MMP26: variants seen among roughly 807,000 people sequenced by gnomAD.
MMP26 encodes matrix metallopeptidase 26.
Under a neutral mutation model 31.0 loss-of-function variants are expected in MMP26, and 33 were observed. The observed-to-expected ratio is 1.06, with a 90% confidence interval of 0.81 to 1.42. MMP26 has a LOEUF of 1.42. Among genes scored for constraint, MMP26 ranks in the 40% most tolerant of loss-of-function variants. The probability of loss-of-function intolerance (pLI) is 0.00; values close to 1 mark genes in which losing one functional copy is unlikely to be tolerated. For synonymous variants in MMP26, 122 were observed against 114.9 expected, an observed-to-expected ratio of 1.06 and a Z score of -0.40; for missense variants, 347 against 316.1, an observed-to-expected ratio of 1.10 and a Z score of -0.74.
At chr11:4,990,845 T>C in intron 5 of MMP26, 99 bp downstream of exon 5, 2 of 1,329,208 alleles carry the variant, frequency 1.5e-6, no homozygotes, top group Non-Finnish European at 2.0e-6. Flanking sequence ...TATTAAAGTT[T>C]CTGAGAAAAA....
intron 2 of MMP26, among the ~76,000 whole-genome samples, chr11:4,867,213 G>A (rs1266844594): frequency 6.6e-6 from 1 of 151,804 alleles, no homozygotes; most frequent in African/African-American, 2.4e-5. Flanking sequence ...CAAGTATCTA[G>A]AAGGAACTTA....
At position 4,952,702 on chromosome 11, in the gene MMP26, C is replaced by T. The variant is rs965932481; in HGVS notation, c.-144-35366C>T. 3.0e-4 allele frequency among the ~76,000 whole-genome samples: 37 copies of T among 125,212 alleles called. 7 individuals carry two copies. The allele number at this position is 125,212 out of a possible 152,430, so 82.1% of individuals were successfully genotyped here. On this transcript the variant is annotated intron_variant, in intron 2 of 7. Coordinates refer to ENST00000380390, the MANE Select transcript of MMP26 (RefSeq NM_021801.5). ...GTTTCATAAAATCAAACTCTCAGAG[C>T]CTCAATCTCTTCAACTAAAATAAAT...
intron 2 of MMP26, among the ~76,000 whole-genome samples, chr11:4,862,062 A>G (rs138822061): frequency 2.1e-4 from 32 of 152,288 alleles, no homozygotes; most frequent in African/African-American, 7.5e-4. Flanking sequence ...GAATTTCTAC[A>G]TGCATTATAT....
intron 2 of MMP26, among the ~76,000 whole-genome samples, chr11:4,936,731 A>G (rs776525165): frequency 2.6e-5 from 4 of 152,084 alleles, no homozygotes; most frequent in Non-Finnish European, 5.9e-5. Context: ...AGATAAATGT[A>G]TTTTTTTGTA....
At chr11:4,809,792 G>A (rs546601538) in intron 2 of MMP26, among the ~76,000 whole-genome samples, 3 of 152,294 alleles carry the variant, frequency 2.0e-5, no homozygotes, top group African/African-American at 7.2e-5. Context: ...TAGACCTGAA[G>A]CTCCCATTGA....
intron 2 of MMP26, among the ~76,000 whole-genome samples, chr11:4,984,089 G>A (rs1049626726): frequency 1.3e-5 from 2 of 152,074 alleles, no homozygotes; most frequent in Admixed American, 1.3e-4. Flanking sequence ...CATCTGTGCC[G>A]GCCCTATCGG....
At chr11:4,908,184 T>C (rs756652490) in intron 2 of MMP26, 1 of 1,614,110 alleles carries the variant, frequency 6.2e-7, no homozygotes, top group African/African-American at 1.3e-5. Flanking sequence ...CCTCTTGTTG[T>C]GATCCTTATT....
intron 2 of MMP26, chr11:4,923,333 C>CTTTA (rs1564807809): frequency 6.6e-7 from 1 of 1,516,058 alleles, no homozygotes; most frequent in Non-Finnish European, 8.8e-7. Flanking sequence ...AAACAGAAAC[C>CTTTA]TGTGGGCTTT....
chr11:4,882,034 T>C, intron 2 of MMP26: 1 of 1,613,870 alleles, frequency 6.2e-7, no homozygotes, highest in Non-Finnish European at 8.5e-7. Flanking sequence ...TGGGAAACAG[T>C]ATGATCTTTC....
intron 2 of MMP26, among the ~76,000 whole-genome samples, chr11:4,899,871 A>G (rs1850774944): frequency 6.6e-6 from 1 of 152,208 alleles, no homozygotes; most frequent in Non-Finnish European, 1.5e-5. Context: ...TTAGCTCAAC[A>G]GAACATAAAT....
In MMP26 at chr11:4,813,997, G is replaced by A. The variant is rs927611574; in HGVS notation, c.-145+46656G>A. On this transcript the variant is annotated intron_variant, in intron 2 of 7. Coordinates refer to ENST00000380390, the MANE Select transcript of MMP26 (RefSeq NM_021801.5). ...TTAAACAGGCCGTGTACAGCAAGAG[G>A]TAGACAAAGGGTCAATGCGCATATG... Among the ~76,000 whole-genome samples the A allele has an allele frequency of 1.2e-4, 18 of 152,216 alleles. No individual in the cohort carries two copies. In the South Asian group the frequency reaches 2.9e-3, roughly 25 times the overall value.
At chr11:4,849,499 C>G (rs1369607129) in intron 2 of MMP26, among the ~76,000 whole-genome samples, 1 of 152,034 alleles carries the variant, frequency 6.6e-6, no homozygotes, top group African/African-American at 2.4e-5. Context: ...TTTAGCTTGC[C>G]TCTCCCTGTA....
chr11:4,827,660 CAATA>C (rs1214381409), intron 2 of MMP26, among the ~76,000 whole-genome samples: 4 of 150,446 alleles, frequency 2.7e-5, no homozygotes, highest in Non-Finnish European at 3.0e-5. Context: ...TTGTTGTTAA[CAATA>C]AATAAAAAGG....
chr11:4,769,203 C>A (rs1319527879), intron 2 of MMP26: 1 of 1,613,670 alleles, frequency 6.2e-7, no homozygotes, highest in African/African-American at 1.3e-5. Context: ...GTGCTGAAGA[C>A]CTTGTGCCAT....
intron 2 of MMP26, chr11:4,924,229 G>C: frequency 6.2e-7 from 1 of 1,614,186 alleles, no homozygotes; most frequent in South Asian, 1.1e-5. Context: ...TAACTGTCAG[G>C]TAGATGAAGC....
At chr11:4,795,439 G>A (rs148003512) in intron 2 of MMP26, among the ~76,000 whole-genome samples, 36 of 152,246 alleles carry the variant, frequency 2.4e-4, no homozygotes, top group African/African-American at 7.9e-4. Context: ...AATTATGAGG[G>A]CCAAGTGATT....
At chr11:4,964,113 A>T (rs1158311918) in intron 2 of MMP26, among the ~76,000 whole-genome samples, 1 of 152,060 alleles carries the variant, frequency 6.6e-6, no homozygotes, top group Non-Finnish European at 1.5e-5. Flanking sequence ...TCTTTAGTTT[A>T]ATTAGATCCC....
At chr11:4,991,646 G>A (rs1446921165) in intron 6 of MMP26, 150 bp downstream of exon 6, 1 of 986,044 alleles carries the variant, frequency 1.0e-6, no homozygotes. Flanking sequence ...GGAGATGTGG[G>A]ATCATTTCTG....
chr11:4,937,696 T>C (rs187795250), intron 2 of MMP26: 92 of 160,064 alleles, frequency 5.7e-4, no homozygotes, highest in Admixed American at 1.1e-3. Flanking sequence ...ACAGAGTCCG[T>C]AGACAACATT....
Sources: allele counts gnomAD v4.1 joint callset (sites outside exome capture counted in the v4.1 genomes callset), GRCh38; gene constraint gnomAD v4.1.1; transcripts MANE v1.5; gene names NCBI Gene and HGNC (gene_info 2026-07-23, HGNC 2026-07-21).